Variants in PAPPA observed in about 807,000 individuals in gnomAD.
PAPPA encodes pappalysin 1.
Under a neutral mutation model 164.0 loss-of-function variants are expected in PAPPA, and 60 were observed. The ratio of observed to expected loss-of-function variants is 0.37; its 90% confidence interval spans 0.30 to 0.45. The LOEUF (loss-of-function observed/expected upper bound fraction) is 0.45, where lower values mean the gene tolerates loss of function less well. PAPPA is among the 20% of genes least tolerant of loss of function. PAPPA has a pLI of 1.00. For missense variants in PAPPA, 1,782 were observed against 2,087.3 expected, an observed-to-expected ratio of 0.85 and a Z score of 2.85; for synonymous variants, 875 against 814.1, an observed-to-expected ratio of 1.07 and a Z score of -1.27.
intron 21 of PAPPA, among the ~76,000 whole-genome samples, chr9:116,391,108 C>T (rs1384822615): frequency 1.3e-5 from 2 of 152,168 alleles, no homozygotes; most frequent in Admixed American, 1.3e-4. Context: ...CTCCTCTAGG[C>T]CAGTGCTTTC....
intron 6 of PAPPA, among the ~76,000 whole-genome samples, chr9:116,229,324 G>A (rs1564191745): frequency 6.6e-6 from 1 of 152,144 alleles, no homozygotes; most frequent in African/African-American, 2.4e-5. Flanking sequence ...AATTACATAT[G>A]ACATCATTTG....
intron 1 of PAPPA, among the ~76,000 whole-genome samples, chr9:116,182,149 G>A (rs1028267594): frequency 6.6e-6 from 1 of 152,202 alleles, no homozygotes; most frequent in African/African-American, 2.4e-5. Context: ...AGTCTATCCT[G>A]AAGAGGGAGC....
intron 1 of PAPPA, among the ~76,000 whole-genome samples, chr9:116,164,044 C>G (rs1220258219): frequency 6.6e-6 from 1 of 152,106 alleles, no homozygotes; most frequent in Non-Finnish European, 1.5e-5. Context: ...TGGGTGAATG[C>G]TAGCATGTTC....
chr9:116,322,001 T>A (rs1845862408), intron 10 of PAPPA, among the ~76,000 whole-genome samples: 1 of 152,190 alleles, frequency 6.6e-6, no homozygotes, highest in African/African-American at 2.4e-5. Flanking sequence ...CGTGGCAGGC[T>A]GATCAATGCC....
intron 2 of PAPPA, among the ~76,000 whole-genome samples, chr9:116,201,986 G>A (rs147802601): frequency 1.3e-3 from 201 of 152,220 alleles, no homozygotes; most frequent in South Asian, 0.011. Flanking sequence ...TGACTCTGGC[G>A]TGACATTGCT....
intron 7 of PAPPA, among the ~76,000 whole-genome samples, chr9:116,238,765 G>A (rs1001645240): frequency 1.3e-5 from 2 of 152,128 alleles, no homozygotes; most frequent in African/African-American, 4.8e-5. Context: ...GGAGATCTGG[G>A]CTGGGATGGG....
At chr9:116,163,670 C>T (rs1843692897) in intron 1 of PAPPA, among the ~76,000 whole-genome samples, 1 of 152,166 alleles carries the variant, frequency 6.6e-6, no homozygotes, top group East Asian at 1.9e-4. Flanking sequence ...GGTGTATTTT[C>T]CTCCACTAGG....
chr9:116,159,548 C>T (rs776799931), intron 1 of PAPPA, among the ~76,000 whole-genome samples: 29 of 152,146 alleles, frequency 1.9e-4, no homozygotes, highest in African/African-American at 6.8e-4. Flanking sequence ...GGCCCAGAAC[C>T]ACTGGGACCT....
intron 7 of PAPPA, among the ~76,000 whole-genome samples, chr9:116,240,545 A>G (rs1359617722): frequency 6.6e-6 from 1 of 152,236 alleles, no homozygotes; most frequent in African/African-American, 2.4e-5. Flanking sequence ...ATGAGAAGGA[A>G]TTTAGCATTT....
Position 116,187,974 on chromosome 9 carries a change from C to T in PAPPA, c.1236C>T (p.Ala412=). 2 of 1,614,192 alleles carry T rather than the reference C, an allele frequency of 1.2e-6. No individual in the cohort carries two copies. Among genetic ancestry groups the T allele is most frequent in the Non-Finnish European group, 1.7e-6 (2 of 1,180,040 alleles). ...NSSLRRRLIL[A]NCDISKIGDE... is the part of the protein sequence containing the mutation. ...CCCTTCGCCGCCGCCTCATCCTGGC[C>T]AACTGTGACATCAGCAAGATTGGGG... The change falls in exon 2 of 22, where the codon GCC becomes GCT. Residue 412 remains alanine (A), a synonymous_variant. Transcript: ENST00000328252. The surrounding 1 kb of genome is among the most constrained non-coding windows in gnomAD (Gnocchi z 4.2).
intron 1 of PAPPA, among the ~76,000 whole-genome samples, chr9:116,182,932 G>A (rs1357656347): frequency 6.6e-6 from 1 of 152,122 alleles, no homozygotes; most frequent in Non-Finnish European, 1.5e-5. Context: ...AAGGGCTCTT[G>A]CACGCTTTCA....
chr9:116,355,855 C>T (rs1317787981), intron 17 of PAPPA, among the ~76,000 whole-genome samples: 1 of 152,142 alleles, frequency 6.6e-6, no homozygotes, highest in East Asian at 1.9e-4. Context: ...TGAGGGTGTG[C>T]GTGCCAAATG....
chr9:116,198,776 G>A (rs566792997), intron 2 of PAPPA, among the ~76,000 whole-genome samples: 117 of 152,298 alleles, frequency 7.7e-4, no homozygotes, highest in African/African-American at 2.7e-3. Context: ...AGGTAAATGA[G>A]AAAAATAGCA....
chr9:116,170,395 T>C (rs1326915228), intron 1 of PAPPA, among the ~76,000 whole-genome samples: 1 of 152,206 alleles, frequency 6.6e-6, no homozygotes, highest in African/African-American at 2.4e-5. Context: ...TCTACAACTT[T>C]GTTTATTCAA....
At chr9:116,247,659 G>A (rs1436053557) in intron 7 of PAPPA, among the ~76,000 whole-genome samples, 1 of 152,154 alleles carries the variant, frequency 6.6e-6, no homozygotes, top group Non-Finnish European at 1.5e-5. Flanking sequence ...ACAGATGTGA[G>A]AAGAATGGAG....
At chr9:116,186,435 G>A (rs1284843847) in intron 1 of PAPPA, among the ~76,000 whole-genome samples, 1 of 152,118 alleles carries the variant, frequency 6.6e-6, no homozygotes, top group African/African-American at 2.4e-5. Context: ...GTTTGGAGGT[G>A]ATGATCTTTG....
chr9:116,283,528 A>G (rs1415636720), intron 9 of PAPPA, among the ~76,000 whole-genome samples: 4 of 152,204 alleles, frequency 2.6e-5, no homozygotes, highest in Non-Finnish European at 5.9e-5. Flanking sequence ...GAGGCATAAC[A>G]TGATAGGAGC....
chr9:116,345,893 T>C (rs1846201311), intron 14 of PAPPA, among the ~76,000 whole-genome samples: 1 of 152,194 alleles, frequency 6.6e-6, no homozygotes, highest in Non-Finnish European at 1.5e-5. Flanking sequence ...TGTCACTAAA[T>C]GTAGCATTTT....
At chr9:116,396,352 C>T (rs905427084) in intron 21 of PAPPA, among the ~76,000 whole-genome samples, 157 bp from the exon 22 acceptor site, 10 of 152,256 alleles carry the variant, frequency 6.6e-5, no homozygotes, top group African/African-American at 9.6e-5. Flanking sequence ...ATGGTGTGCT[C>T]GATAAAAGTT....
Sources: gnomAD v4.1 joint callset for allele counts (sites outside exome capture counted in the v4.1 genomes callset) on GRCh38, gnomAD v4.1.1 for gene constraint, Gnocchi (gnomAD v3.1) non-coding constraint, MANE v1.5 for transcripts, NCBI Gene and HGNC (gene_info 2026-07-23, HGNC 2026-07-21) for gene names.